The following SLC12A7 variants were observed in gnomAD, a reference collection of about 807,000 sequenced individuals.
SLC12A7 encodes the protein K-Cl cotransporter 4.
A neutral mutation model predicts 120.6 loss-of-function variants in SLC12A7; 100 were observed. The ratio of observed to expected loss-of-function variants is 0.83; its 90% CI spans 0.71 to 0.98. The LOEUF (loss-of-function observed/expected upper bound fraction) is 0.98, where lower values mean the gene tolerates loss of function less well. Among genes scored for constraint, SLC12A7 ranks in the 50% least tolerant of loss-of-function variants. The pLI is 0.00. For synonymous variants in SLC12A7, 760 were observed against 678.0 expected (o/e 1.12, Z -1.88); for missense variants, 1,373 against 1,548.1 (o/e 0.89, Z 1.90).
the SLC12A7 span, among the ~76,000 whole-genome samples, chr5:1,122,702 C>T: frequency 2.0e-5 from 3 of 152,150 alleles, no homozygotes; most frequent in African/African-American, 4.8e-5. Flanking sequence ...CAGGGCCCCG[C>T]GGCATGACGT....
intron 12 of SLC12A7, among the ~76,000 whole-genome samples, chr5:1,077,502 A>G (rs774033232): frequency 4.6e-5 from 7 of 152,222 alleles, no homozygotes; most frequent in Non-Finnish European, 8.8e-5. Context: ...TCAGCCACAC[A>G]GAGAAAGATG....
At chr5:1,111,143 C>T (rs995194991) in intron 1 of SLC12A7, among the ~76,000 whole-genome samples, 5 of 152,142 alleles carry the variant, frequency 3.3e-5, no homozygotes, top group Non-Finnish European at 5.9e-5. Context: ...TAAGAGCCTC[C>T]GGTTTCTAGA....
chr5:1,144,530 G>T, the SLC12A7 span, among the ~76,000 whole-genome samples: 2 of 152,228 alleles, frequency 1.3e-5, no homozygotes, highest in African/African-American at 4.8e-5. Flanking sequence ...TCAGCTCCGG[G>T]TCACGCTGGG....
At chr5:1,110,987 C>A (rs905668828) in intron 1 of SLC12A7, among the ~76,000 whole-genome samples, 2 of 152,250 alleles carry the variant, frequency 1.3e-5, no homozygotes, top group African/African-American at 4.8e-5. Context: ...TGTCCCTGGA[C>A]AGACCTCACC....
upstream of SLC12A7, among the ~76,000 whole-genome samples, chr5:1,115,208 AG>A (rs1743267325): frequency 1.3e-5 from 2 of 152,242 alleles, no homozygotes; most frequent in African/African-American, 4.8e-5. Context: ...GGGCACAGCC[AG>A]GGGAACCCTG....
At chr5:1,077,797 C>A (rs1232241923) in intron 12 of SLC12A7, 36 bp downstream of exon 12, 2 of 1,529,722 alleles carry the variant, frequency 1.3e-6, no homozygotes, top group Admixed American at 2.1e-5. Context: ...CGACCCTGAC[C>A]TTCCAGGGTC....
At chr5:1,074,034 C>G (rs1273527574) in intron 16 of SLC12A7, among the ~76,000 whole-genome samples, 2 of 152,154 alleles carry the variant, frequency 1.3e-5, no homozygotes, top group African/African-American at 2.4e-5. Context: ...CCAGGTGGGA[C>G]AGGCAGGGCC....
At chr5:1,119,250 G>T in the SLC12A7 span, among the ~76,000 whole-genome samples, 1 of 152,196 alleles carries the variant, frequency 6.6e-6, no homozygotes, top group Non-Finnish European at 1.5e-5. Context: ...CATTCAGCTG[G>T]GAACCTGGAC....
chr5:1,150,248 A>G, the SLC12A7 span, among the ~76,000 whole-genome samples: 7 of 151,550 alleles, frequency 4.6e-5, no homozygotes, highest in Non-Finnish European at 7.4e-5. Context: ...GTGTGTTTGC[A>G]TTTTTTTTAG....
the SLC12A7 span, among the ~76,000 whole-genome samples, chr5:1,136,413 C>T: frequency 6.9e-6 from 1 of 144,144 alleles, no homozygotes; most frequent in Admixed American, 6.8e-5. Context: ...AACACCAGGA[C>T]ACGCAGGCAC....
At chr5:1,144,845 T>C in the SLC12A7 span, among the ~76,000 whole-genome samples, 51 of 152,242 alleles carry the variant, frequency 3.3e-4, 1 homozygote, top group African/African-American at 1.2e-3. Context: ...CGGCTGCGCA[T>C]GCACAGGCCT....
intron 22 of SLC12A7, 169 bp downstream of exon 22, chr5:1,057,302 A>G: frequency 1.5e-6 from 1 of 664,784 alleles, no homozygotes; most frequent in Non-Finnish European, 2.5e-6. Flanking sequence ...CCTTGGCACC[A>G]AAAGGACCCC....
intron 6 of SLC12A7, 108 bp downstream of exon 6, chr5:1,086,795 T>A: frequency 2.1e-6 from 3 of 1,448,978 alleles, no homozygotes; most frequent in Middle Eastern, 1.9e-4. Context: ...GGCAGTGGGG[T>A]CAGGATGGCT....
At chr5:1,091,908 G>A (rs1740563551) in intron 3 of SLC12A7, among the ~76,000 whole-genome samples, 1 of 151,674 alleles carries the variant, frequency 6.6e-6, no homozygotes, top group Admixed American at 6.5e-5. Flanking sequence ...CCCAAGGGCT[G>A]GCCGAGCTAC....
At chr5:1,105,764 C>A (rs1742479204) in intron 1 of SLC12A7, among the ~76,000 whole-genome samples, 1 of 152,214 alleles carries the variant, frequency 6.6e-6, no homozygotes, top group Non-Finnish European at 1.5e-5. Flanking sequence ...AGGAGACCAG[C>A]CCCCCATGTC....
the SLC12A7 span, among the ~76,000 whole-genome samples, chr5:1,123,034 G>A: frequency 6.6e-6 from 1 of 152,236 alleles, no homozygotes; most frequent in African/African-American, 2.4e-5. Context: ...TACCTGGGGT[G>A]GCTACGCCAG....
intron 1 of SLC12A7, among the ~76,000 whole-genome samples, chr5:1,097,657 C>T (rs902519873): frequency 2.0e-5 from 3 of 152,130 alleles, no homozygotes; most frequent in African/African-American, 4.8e-5. Context: ...GTAACACAGA[C>T]GATGAGTCCA....
In SLC12A7 at chr5:1,075,478, A is replaced by G; in HGVS notation, c.1860T>C (p.Phe620=). Residue 620 remains phenylalanine, a synonymous_variant, in exon 15 of 24, where the codon TTT becomes TTC. Coordinates refer to ENST00000264930, the MANE Select transcript of SLC12A7 (RefSeq NM_006598.3). ...RFKFYHWTLS[F]LGMSLCLALM... is the part of the protein sequence containing the mutation. ...GCGCCAGGCACAGGCTCATACCCAG[A>G]AAGGACAGGGTCCTGGGGGCGGGGC... 6.2e-7 allele frequency: 1 copy of G among 1,611,544 alleles called. No homozygotes were observed. The highest frequency in any genetic ancestry group is 8.5e-7 in the Non-Finnish European group (1 of 1,178,896).
chr5:1,138,322 G>A, the SLC12A7 span, among the ~76,000 whole-genome samples: 1 of 152,188 alleles, frequency 6.6e-6, no homozygotes, highest in Non-Finnish European at 1.5e-5. Flanking sequence ...CTGCTGATTG[G>A]TCCATTTTAC....
Sources: allele counts gnomAD v4.1 joint callset (sites outside exome capture counted in the v4.1 genomes callset), GRCh38; gene constraint gnomAD v4.1.1; transcripts MANE v1.5; gene names NCBI Gene and HGNC (gene_info 2026-07-23, HGNC 2026-07-21).